Variants in KCTD8 observed in about 807,000 individuals in gnomAD.
KCTD8 encodes the protein potassium channel tetramerization domain containing 8.
Under a neutral mutation model 31.5 loss-of-function variants are expected in KCTD8, and 27 were observed. That is an observed-to-expected ratio of 0.86 (90% CI 0.63 to 1.18). KCTD8 has a LOEUF of 1.18. Ranked by LOEUF, KCTD8 falls within the 50% of genes most tolerant of loss-of-function variation. The pLI is 0.00. For missense variants in KCTD8, 658 were observed against 647.7 expected (o/e 1.02, Z -0.17); for synonymous variants, 290 against 280.0 (o/e 1.04, Z -0.36).
At chr4:44,399,146 G>C (rs781696583) in intron 1 of KCTD8, among the ~76,000 whole-genome samples, 5 of 152,102 alleles carry the variant, frequency 3.3e-5, no homozygotes, top group African/African-American at 4.8e-5. Flanking sequence ...GAGCACCTAA[G>C]GGGGCTGATC....
intron 1 of KCTD8, among the ~76,000 whole-genome samples, chr4:44,181,640 G>C (rs529810674): frequency 6.6e-6 from 1 of 152,170 alleles, no homozygotes; most frequent in Non-Finnish European, 1.5e-5. Flanking sequence ...CCAAAGTGCC[G>C]AGATTGCAGC....
chr4:44,197,530 T>C (rs1240889987), intron 1 of KCTD8, among the ~76,000 whole-genome samples: 1 of 152,108 alleles, frequency 6.6e-6, no homozygotes, highest in Admixed American at 6.6e-5. Context: ...ATCTATTGAA[T>C]AGCAGCTCAA....
chr4:44,252,606 G>T (rs1033716476), intron 1 of KCTD8, among the ~76,000 whole-genome samples: 1 of 151,390 alleles, frequency 6.6e-6, no homozygotes, highest in African/African-American at 2.4e-5. Flanking sequence ...TGTGTTGAGA[G>T]GTTATTTCCT....
chr4:44,436,315 G>A (rs1374162225), intron 1 of KCTD8, among the ~76,000 whole-genome samples: 1 of 152,030 alleles, frequency 6.6e-6, no homozygotes, highest in South Asian at 2.1e-4. Flanking sequence ...CAGAACAGGG[G>A]ACATTAATCA....
chr4:44,289,922 A>C (rs2109384440), intron 1 of KCTD8, among the ~76,000 whole-genome samples: 1 of 152,274 alleles, frequency 6.6e-6, no homozygotes, highest in South Asian at 2.1e-4. Flanking sequence ...TCTACAAAAT[A>C]AAAGCTAACA....
At chr4:44,190,393 T>A (rs534992262) in intron 1 of KCTD8, among the ~76,000 whole-genome samples, 27 of 152,362 alleles carry the variant, frequency 1.8e-4, no homozygotes, top group South Asian at 1.0e-3. Flanking sequence ...TAGGTTGACA[T>A]CTGTTTATAA....
chr4:44,326,877 C>A (rs148000048), intron 1 of KCTD8, among the ~76,000 whole-genome samples: 88 of 151,960 alleles, frequency 5.8e-4, no homozygotes, highest in Non-Finnish European at 1.0e-3. Flanking sequence ...AGCTCATATT[C>A]CTCATCCCTT....
intron 1 of KCTD8, among the ~76,000 whole-genome samples, chr4:44,176,956 C>T (rs1713236008): frequency 6.6e-6 from 1 of 151,690 alleles, no homozygotes; most frequent in African/African-American, 2.4e-5. Context: ...ATGATAAAAC[C>T]AGGACAAATG....
chr4:44,195,302 A>C (rs1252511401), intron 1 of KCTD8, among the ~76,000 whole-genome samples: 1 of 152,212 alleles, frequency 6.6e-6, no homozygotes, highest in Non-Finnish European at 1.5e-5. Flanking sequence ...TTTACAATAT[A>C]GTTAATTTCA....
intron 1 of KCTD8, among the ~76,000 whole-genome samples, chr4:44,278,327 T>C (rs746815961): frequency 6.6e-6 from 1 of 152,096 alleles, no homozygotes; most frequent in Non-Finnish European, 1.5e-5. Flanking sequence ...TCAGGGTTTC[T>C]TGCTTTTTTC....
intron 1 of KCTD8, among the ~76,000 whole-genome samples, chr4:44,354,574 A>G (rs995725246): frequency 2.0e-5 from 3 of 152,180 alleles, no homozygotes; most frequent in Middle Eastern, 3.4e-3. Context: ...TAATACACTC[A>G]TTTTATCAAC....
intron 1 of KCTD8, among the ~76,000 whole-genome samples, chr4:44,310,346 T>C (rs758701478): frequency 3.5e-4 from 53 of 152,164 alleles, no homozygotes; most frequent in Middle Eastern, 6.8e-3. Flanking sequence ...TAATTAAGTG[T>C]TGAATTCAGT....
chr4:44,348,939 C>T (rs1719115637), intron 1 of KCTD8, among the ~76,000 whole-genome samples: 1 of 152,124 alleles, frequency 6.6e-6, no homozygotes, highest in Non-Finnish European at 1.5e-5. Flanking sequence ...TTTTTCCTCT[C>T]TTTCTTCAAA....
chr4:44,437,932 C>T (rs1721711839), intron 1 of KCTD8, among the ~76,000 whole-genome samples: 1 of 152,088 alleles, frequency 6.6e-6, no homozygotes. Flanking sequence ...CCAAAACCAC[C>T]ATATAAATGA....
rs915890057 is a variant in KCTD8 at position 44,231,801 on chromosome 4, CCTTT to C, written c.962-56555_962-56552del. ...CACTGTGTCTCTCTCTCTCTCTCTG[CCTTT>C]CTTTCTCTTTCTCCTTTTTTCTCTC... On this transcript the variant is annotated intron_variant, in intron 1 of 1. Coordinates refer to ENST00000360029, the MANE Select transcript of KCTD8 (RefSeq NM_198353.3). Among the ~76,000 whole-genome samples the C allele has an allele frequency of 3.9e-5, 6 of 152,034 alleles. No homozygotes were observed. In the East Asian group the frequency reaches 9.7e-4, roughly 25 times the overall value.
chr4:44,275,705 G>A (rs530771673), intron 1 of KCTD8, among the ~76,000 whole-genome samples: 26 of 152,036 alleles, frequency 1.7e-4, no homozygotes, highest in African/African-American at 4.3e-4. Context: ...CTTGTACATC[G>A]TGGTGGGACA....
chr4:44,191,405 G>A (rs1326352289), intron 1 of KCTD8, among the ~76,000 whole-genome samples: 1 of 152,154 alleles, frequency 6.6e-6, no homozygotes, highest in Non-Finnish European at 1.5e-5. Flanking sequence ...AACAAGGGAA[G>A]ATAACCATAA....
chr4:44,246,973 T>G (rs1324526647), intron 1 of KCTD8, among the ~76,000 whole-genome samples: 2 of 149,568 alleles, frequency 1.3e-5, no homozygotes, highest in Non-Finnish European at 3.0e-5. Flanking sequence ...GTCACATTGT[T>G]TTGTTTTGTT....
chr4:44,306,550 A>T (rs558021127), intron 1 of KCTD8, among the ~76,000 whole-genome samples: 1 of 152,180 alleles, frequency 6.6e-6, no homozygotes, highest in South Asian at 2.1e-4. Flanking sequence ...AGTCAAAATA[A>T]ATTAAAAAGC....
Sources: gnomAD v4.1 joint callset for allele counts (sites outside exome capture counted in the v4.1 genomes callset) on GRCh38, gnomAD v4.1.1 for gene constraint, MANE v1.5 for transcripts, NCBI Gene and HGNC (gene_info 2026-07-23, HGNC 2026-07-21) for gene names.